Variants in DGLUCY observed in about 807,000 individuals in gnomAD.
DGLUCY encodes the protein D-glutamate cyclase, also known as D-glutamate cyclase, mitochondrial.
DGLUCY carries 58 observed loss-of-function variants against 58.5 expected under a neutral mutation model. That is an observed-to-expected ratio of 0.99 (90% CI 0.80 to 1.23). DGLUCY has a LOEUF of 1.23. Among genes scored for constraint, DGLUCY ranks in the 50% most tolerant of loss-of-function variants. The probability of loss-of-function intolerance (pLI) is 0.00; values close to 1 mark genes in which losing one functional copy is unlikely to be tolerated. For missense variants in DGLUCY, 779 were observed against 784.7 expected (o/e 0.99, Z 0.09); for synonymous variants, 325 against 314.1 (o/e 1.03, Z -0.37).
chr14:91,102,909 C>G (rs2044518136), intron 1 of DGLUCY, among the ~76,000 whole-genome samples: 1 of 151,734 alleles, frequency 6.6e-6, no homozygotes, highest in South Asian at 2.1e-4. Flanking sequence ...TTGCAGGTAC[C>G]CCCCATCATG....
At chr14:91,210,425 A>T (rs879485470) in intron 12 of DGLUCY, among the ~76,000 whole-genome samples, 13 of 151,600 alleles carry the variant, frequency 8.6e-5, no homozygotes, top group Non-Finnish European at 1.6e-4. Flanking sequence ...CTAGCCTCTC[A>T]GGAGGCTGAG....
chr14:91,145,230 G>A (rs2046949721), intron 1 of DGLUCY: 1 of 152,196 alleles, frequency 6.6e-6, no homozygotes, highest in South Asian at 2.1e-4. Context: ...GATGGAGAAG[G>A]AAAGGCAAGT....
intron 1 of DGLUCY, among the ~76,000 whole-genome samples, chr14:91,121,807 A>G (rs1180785706): frequency 1.3e-5 from 2 of 152,122 alleles, no homozygotes; most frequent in African/African-American, 2.4e-5. Flanking sequence ...GGGGAAAAAA[A>G]TGACAAAAAC....
rs750794630 is a variant in DGLUCY at position 91,160,265 on chromosome 14, G to T, written c.-29-1G>T. The T allele has an allele frequency of 6.4e-7, 1 of 1,562,488 alleles. No homozygotes were observed. The highest frequency in any genetic ancestry group is 1.1e-5 in the South Asian group (1 of 89,986). On this transcript the variant is annotated splice_acceptor_variant, in intron 2 of 13. Coordinates refer to ENST00000256324, the MANE Select transcript of DGLUCY (RefSeq NM_001102368.3). LOFTEE classifies it low-confidence loss of function (5UTR_SPLICE). Reference sequence around the variant, plus strand: ...TTGTTCCCTTTCCTTCCCTCACCCAGATTCTCTGCTACTTATTCAAGTTGA... The same window carrying T: ...TTGTTCCCTTTCCTTCCCTCACCCATATTCTCTGCTACTTATTCAAGTTGA...
At position 91,062,558 on chromosome 14, in the gene DGLUCY, A is replaced by T. The variant is rs868137905; in HGVS notation, c.-82+1854A>T. 3.0e-3 allele frequency among the ~76,000 whole-genome samples: 71 copies of T among 23,676 alleles called. 2 individuals are homozygous for T. Among genetic ancestry groups the T allele is most frequent in the African/African-American group, 9.2e-3 (47 of 5,136 alleles). 15.5% of individuals were successfully genotyped at this position (23,676 alleles called of 152,430 possible). Reference sequence around the variant, plus strand: ...GCGAGACTCTGTCTAAAAAAAAAAAAATATATATATATATATATATATATA... The same window carrying T: ...GCGAGACTCTGTCTAAAAAAAAAAATATATATATATATATATATATATATA... On this transcript the variant is annotated intron_variant, in intron 1 of 4. Coordinates refer to the DGLUCY transcript ENST00000521334.
chr14:91,130,320 TA>T lies in DGLUCY; in HGVS notation c.-82+16038del, dbSNP rs201076264. On this transcript the variant is annotated intron_variant, in intron 1 of 13. Coordinates refer to ENST00000256324, the MANE Select transcript of DGLUCY (RefSeq NM_001102368.3). Reference sequence around the variant, plus strand: ...CTTTTCTTTTCTTTTTTTTTTTTTTTAGACAGAGTCTTGCTCTGTCAGGAGG... The same window carrying T: ...CTTTTCTTTTCTTTTTTTTTTTTTTTGACAGAGTCTTGCTCTGTCAGGAGG... Among the ~76,000 whole-genome samples, 102 of 148,564 alleles carry T rather than the reference TA, an allele frequency of 6.9e-4. 7 individuals are homozygous for T. Among genetic ancestry groups the T allele is most frequent in the Admixed American group, 8.8e-4 (13 of 14,816 alleles).
At chr14:91,109,700 A>T (rs1448330198), upstream of DGLUCY, among the ~76,000 whole-genome samples, 1 of 152,200 alleles carries the variant, frequency 6.6e-6, no homozygotes, top group African/African-American at 2.4e-5. Flanking sequence ...TGGGGTCTCT[A>T]AAGGTACTGA....
At chr14:91,119,649 T>C (rs1206904185) in intron 1 of DGLUCY, among the ~76,000 whole-genome samples, 9 of 152,170 alleles carry the variant, frequency 5.9e-5, no homozygotes, top group Non-Finnish European at 1.2e-4. Context: ...GGCTTAATGT[T>C]GAGTGTCAAC....
At chr14:91,068,720 C>T (rs1302322675) in intron 1 of DGLUCY, among the ~76,000 whole-genome samples, 3 of 152,258 alleles carry the variant, frequency 2.0e-5, no homozygotes, top group African/African-American at 7.2e-5. Flanking sequence ...CCTCTCTCCT[C>T]CCTTGGAATC....
chr14:91,175,727 C>T, intron 6 of DGLUCY: 1 of 473,532 alleles, frequency 2.1e-6, no homozygotes, highest in East Asian at 4.3e-5. Context: ...TTTTCTGAAA[C>T]CACCATGCCA....
chr14:91,196,123 T>G (rs1367545987), intron 9 of DGLUCY, among the ~76,000 whole-genome samples: 1 of 152,206 alleles, frequency 6.6e-6, no homozygotes, highest in East Asian at 1.9e-4. Flanking sequence ...GCATCTTACA[T>G]GCAGCATATT....
Position 91,196,494 on chromosome 14 carries a change from G to C in DGLUCY, c.1295+20G>C, listed in dbSNP as rs1440435557. On this transcript the variant is annotated intron_variant, in intron 10 of 13. Transcript: ENST00000256324. ...ACCTAGGTACGTATGTCGCATCCCA[G>C]TTTAAGTGGCGGATGGTGGAAACGC... is the stretch of plus-strand genomic sequence containing the variant. 6.2e-7 allele frequency: 1 copy of C among 1,601,234 alleles called. No individual in the cohort carries two copies.
intron 1 of DGLUCY, among the ~76,000 whole-genome samples, chr14:91,088,252 G>C (rs894768766): frequency 6.6e-6 from 1 of 152,176 alleles, no homozygotes; most frequent in Non-Finnish European, 1.5e-5. Flanking sequence ...TAAAAGATAT[G>C]TGAAAAGGGA....
chr14:91,158,840 T>TC (rs1230506131), intron 2 of DGLUCY: 1 of 152,112 alleles, frequency 6.6e-6, no homozygotes, highest in Non-Finnish European at 1.5e-5. Context: ...TCTTTTTTTT[T>TC]TTTTTTTTGA....
chr14:91,062,427 A>G (rs1457890212), intron 1 of DGLUCY, among the ~76,000 whole-genome samples: 1 of 150,818 alleles, frequency 6.6e-6, no homozygotes, highest in African/African-American at 2.4e-5. Context: ...GGGCGCCTGT[A>G]ATCCCAGCTA....
chr14:91,181,911 C>G (rs2049196459), intron 8 of DGLUCY, among the ~76,000 whole-genome samples: 1 of 151,820 alleles, frequency 6.6e-6, no homozygotes, highest in Non-Finnish European at 1.5e-5. Flanking sequence ...TCCCAAAGTG[C>G]TGGGTTTACA....
chr14:91,105,730 A>G (rs949635947), upstream of DGLUCY, among the ~76,000 whole-genome samples: 2 of 152,228 alleles, frequency 1.3e-5, no homozygotes, highest in Admixed American at 6.5e-5. Context: ...GTTTTAAACT[A>G]CAGTCAGACT....
chr14:91,080,559 C>T (rs1352559981), intron 1 of DGLUCY, among the ~76,000 whole-genome samples: 7 of 151,984 alleles, frequency 4.6e-5, no homozygotes, highest in Admixed American at 3.3e-4. Context: ...TTAGGAGAGA[C>T]GGGGTTTCAC....
intron 10 of DGLUCY, among the ~76,000 whole-genome samples, chr14:91,197,370 G>T (rs149358008): frequency 6.6e-6 from 1 of 152,238 alleles, no homozygotes. Context: ...CTCCCAAAGT[G>T]CTGGGATTAC....
Sources: allele counts gnomAD v4.1 joint callset (sites outside exome capture counted in the v4.1 genomes callset), GRCh38; gene constraint gnomAD v4.1.1; transcripts MANE v1.5; gene names NCBI Gene and HGNC (gene_info 2026-07-23, HGNC 2026-07-21).